Variants in COQ8A observed in about 807,000 individuals in gnomAD.
COQ8A encodes the protein atypical kinase COQ8A, mitochondrial.
COQ8A carries 51 observed loss-of-function variants against 65.0 expected under a neutral mutation model. The ratio of observed to expected loss-of-function variants is 0.78; its 90% CI spans 0.63 to 0.99. The LOEUF (loss-of-function observed/expected upper bound fraction) is 0.99, where lower values mean the gene tolerates loss of function less well. COQ8A is among the 50% of genes least tolerant of loss of function. The probability of loss-of-function intolerance (pLI) is 0.00; values close to 1 mark genes in which losing one functional copy is unlikely to be tolerated. For synonymous variants in COQ8A, 371 were observed against 353.2 expected, an observed-to-expected ratio of 1.05 and a Z score of -0.57; for missense variants, 940 against 875.0, an observed-to-expected ratio of 1.07 and a Z score of -0.94.
In COQ8A at chr1:226,978,484, A is replaced by G. The variant is rs909519015; in HGVS notation, c.730+961A>G. 7.4e-4 allele frequency among the ~76,000 whole-genome samples: 99 copies of G among 134,072 alleles called. 1 individual carries two copies. Among genetic ancestry groups the G allele is most frequent in the Non-Finnish European group, 8.1e-4 (51 of 63,046 alleles). The allele number at this position is 134,072 out of a possible 152,430, so 88.0% of individuals were successfully genotyped here. ...CTCCACACCCACCAAATACCTGCAC[A>G]CCTCCTTACACATCCTCCACACACC... On this transcript the variant is annotated intron_variant, in intron 5 of 14. Transcript: ENST00000366777.
Position 226,978,703 on chromosome 1 carries a change from CCTT to C in COQ8A, c.730+1181_730+1183del, listed in dbSNP as rs1335063851. 3.6e-5 allele frequency among the ~76,000 whole-genome samples: 3 copies of C among 83,708 alleles called. 1 individual carries two copies. Among genetic ancestry groups the C allele is most frequent in the African/African-American group, 1.2e-4 (3 of 24,960 alleles). 54.9% of individuals were successfully genotyped at this position (83,708 alleles called of 152,430 possible). A position where few individuals can be genotyped will look rare whatever the true frequency, so the allele number is the denominator to read the frequency against. ...ACACCCTCCACACACCTGCACACCT[CCTT>C]ACATCTTCCACACACCCACCTCATA... On this transcript the variant is annotated intron_variant, in intron 5 of 14. Coordinates refer to ENST00000366777, the MANE Select transcript of COQ8A (RefSeq NM_020247.5).
At chr1:226,956,641 G>A (rs1472054645) in intron 1 of COQ8A, among the ~76,000 whole-genome samples, 1 of 83,024 alleles carries the variant, frequency 1.2e-5, no homozygotes, top group African/African-American at 5.4e-5. Context: ...CACTCTCCCT[G>A]GCTGCCACTC....
intron 1 of COQ8A, among the ~76,000 whole-genome samples, chr1:226,941,505 G>T (rs1656689699): frequency 6.6e-6 from 1 of 152,032 alleles, no homozygotes; most frequent in Non-Finnish European, 1.5e-5. Flanking sequence ...GGTGGCTCAC[G>T]CCTGTAATCC....
At chr1:226,976,277 T>G (rs1659212542) in intron 4 of COQ8A, among the ~76,000 whole-genome samples, 1 of 149,628 alleles carries the variant, frequency 6.7e-6, no homozygotes, top group South Asian at 2.2e-4. Flanking sequence ...GCTGCGGGGC[T>G]GCAGGGCTGC....
intron 11 of COQ8A, 114 bp from the exon 12 acceptor site, chr1:226,984,434 C>A: frequency 7.8e-7 from 1 of 1,279,952 alleles, no homozygotes; most frequent in South Asian, 1.2e-5. Context: ...GGGAATCAAA[C>A]AGTCCCTAGG....
chr1:226,941,717 G>C (rs1387760047), intron 1 of COQ8A, among the ~76,000 whole-genome samples: 5 of 151,544 alleles, frequency 3.3e-5, no homozygotes. Flanking sequence ...AGAGGTTGCA[G>C]TGAGCCAAGA....
At chr1:226,948,971 T>C (rs1316851) in intron 1 of COQ8A, among the ~76,000 whole-genome samples, 5,832 of 152,166 alleles carry the variant, frequency 0.038, 344 homozygotes, top group African/African-American at 0.12. Context: ...TAATAACTTA[T>C]ACCATCATTT....
At chr1:226,957,374 G>C (rs1171516138) in intron 1 of COQ8A, among the ~76,000 whole-genome samples, 2 of 146,198 alleles carry the variant, frequency 1.4e-5, no homozygotes, top group Non-Finnish European at 3.0e-5. Flanking sequence ...GTCATGTCTA[G>C]GCTTTGGTGG....
chr1:226,956,661 G>C (rs1247753233), intron 1 of COQ8A, among the ~76,000 whole-genome samples: 23 of 34,556 alleles, frequency 6.7e-4, no homozygotes, highest in Non-Finnish European at 9.0e-4. Flanking sequence ...CTCCCTGGCT[G>C]CCACTCCCTG....
At chr1:226,985,963 C>T (rs1266577783) in intron 14 of COQ8A, among the ~76,000 whole-genome samples, 2 of 152,192 alleles carry the variant, frequency 1.3e-5, no homozygotes, top group South Asian at 2.1e-4. Context: ...GATTCCTGGC[C>T]GCCCCGTCCC....
rs1177806176 is a variant in COQ8A at position 226,983,837 on chromosome 1, C to A, written c.1239C>A (p.Ala413=). ...AGTGTGACTACCAGCGAGAGGCCGC[C>A]TGTGCCCGCAAGTTCAGGTGTGGCC... The part of the protein sequence containing the change: ...ALECDYQREA[A]CARKFRDLLK... Residue 413 remains alanine, a synonymous_variant, in exon 10 of 15, where the codon GCC becomes GCA. Coordinates refer to ENST00000366777, the MANE Select transcript of COQ8A (RefSeq NM_020247.5). 1.2e-6 allele frequency: 2 copies of A among 1,611,042 alleles called. No homozygotes were observed. Among genetic ancestry groups the A allele is most frequent in the Non-Finnish European group, 1.7e-6 (2 of 1,179,912 alleles).
At chr1:226,944,218 G>A (rs1213093156) in intron 1 of COQ8A, among the ~76,000 whole-genome samples, 1 of 152,052 alleles carries the variant, frequency 6.6e-6, no homozygotes, top group Non-Finnish European at 1.5e-5. Flanking sequence ...GCCCTCAGGT[G>A]TCACAGAGGG....
At chr1:226,954,151 T>G (rs1657549132) in intron 1 of COQ8A, among the ~76,000 whole-genome samples, 1 of 152,264 alleles carries the variant, frequency 6.6e-6, no homozygotes, top group South Asian at 2.1e-4. Context: ...GAATTGACAG[T>G]CTTGAGAGCC....
At chr1:226,975,263 C>T (rs1200637515) in intron 4 of COQ8A, among the ~76,000 whole-genome samples, 2 of 152,150 alleles carry the variant, frequency 1.3e-5, no homozygotes, top group Non-Finnish European at 2.9e-5. Flanking sequence ...GATGTACCTG[C>T]CAGGCACCCC....
At position 226,984,881 on chromosome 1, in the gene COQ8A, T is replaced by C; in HGVS notation, c.1512T>C (p.Ala504=). ...FFYDPQQHKV[A]LLDFGATREY... The stretch of plus-strand genomic sequence containing the variant: ...CCTGGTGTCTCTGTCCCCAGGTGGC[T>C]CTTTTGGATTTTGGGGCAACGCGGG... The change falls in exon 13 of 15, where the codon GCT becomes GCC. Residue 504 remains alanine, a synonymous_variant. Coordinates refer to ENST00000366777, the MANE Select transcript of COQ8A (RefSeq NM_020247.5). The C allele has an allele frequency of 6.2e-7, 1 of 1,614,146 alleles. No individual in the cohort carries two copies. Among genetic ancestry groups the C allele is most frequent in the Non-Finnish European group, 8.5e-7 (1 of 1,180,016 alleles).
chr1:226,956,489 C>G (rs1292104402), intron 1 of COQ8A, among the ~76,000 whole-genome samples: 17 of 123,010 alleles, frequency 1.4e-4, no homozygotes, highest in Admixed American at 2.2e-4. Flanking sequence ...CTCCCTGGCT[C>G]CCACTCTCCC....
chr1:226,965,414 C>T lies in COQ8A; in HGVS notation c.588+4C>T, dbSNP rs368446029. 8.5e-5 allele frequency: 137 copies of T among 1,606,828 alleles called. No homozygotes were observed. The highest frequency in any genetic ancestry group is 9.4e-5 in the Non-Finnish European group (111 of 1,178,014). On this transcript the variant is annotated splice_donor_region_variant and intron_variant, in intron 3 of 14. Transcript: ENST00000366777. ...GAACAAGCAGCACAAACAGACGGTG[C>T]GTATGGGAGGCCCCTGGAGGGCCGA...
intron 1 of COQ8A, among the ~76,000 whole-genome samples, chr1:226,957,752 T>G (rs1283158755): frequency 1.3e-5 from 2 of 152,232 alleles, no homozygotes; most frequent in Non-Finnish European, 2.9e-5. Context: ...TATCTTCTTG[T>G]ATCTGGCCGG....
In COQ8A at chr1:226,982,118, A is replaced by T. The variant is rs778029819; in HGVS notation, c.822A>T (p.Ala274=). Residue 274 remains alanine, a synonymous_variant, in exon 6 of 15, where the codon GCA becomes GCT. Transcript: ENST00000366777. ...CGCTCTGCAAGGTGCGTGGTGCGGCACTCAAGCTGGGCCAGATGCTGAGCA... is the reference window on the plus strand; with the variant it reads ...CGCTCTGCAAGGTGCGTGGTGCGGCTCTCAAGCTGGGCCAGATGCTGAGCA... ...VRTLCKVRGA[A]LKLGQMLSIQ... 2 of 1,606,490 alleles carry T rather than the reference A, an allele frequency of 1.2e-6. No individual in the cohort carries two copies. Among genetic ancestry groups the T allele is most frequent in the East Asian group, 2.3e-5 (1 of 44,350 alleles).
Sources: allele counts gnomAD v4.1 joint callset (sites outside exome capture counted in the v4.1 genomes callset), GRCh38; gene constraint gnomAD v4.1.1; transcripts MANE v1.5; gene names NCBI Gene and HGNC (gene_info 2026-07-23, HGNC 2026-07-21).